Variants in ERC2 observed in about 807,000 individuals in gnomAD.
ERC2 encodes the protein ELKS/RAB6-interacting/CAST family member 2, also known as ERC protein 2.
Under a neutral mutation model 114.8 loss-of-function variants are expected in ERC2, and 42 were observed. The ratio of observed to expected loss-of-function variants is 0.37; its 90% CI spans 0.29 to 0.47. The LOEUF (loss-of-function observed/expected upper bound fraction) is 0.47. ERC2 is among the 20% of genes least tolerant of loss of function. The probability of loss-of-function intolerance (pLI) is 0.99; values close to 1 mark genes in which losing one functional copy is unlikely to be tolerated. For synonymous variants in ERC2, 454 were observed against 425.5 expected (o/e 1.07, Z -0.82); for missense variants, 939 against 1,150.7 (o/e 0.82, Z 2.66).
At chr3:56,179,685 T>C (rs1333313809) in intron 3 of ERC2, among the ~76,000 whole-genome samples, 1 of 151,912 alleles carries the variant, frequency 6.6e-6, no homozygotes, top group Non-Finnish European at 1.5e-5. Flanking sequence ...TCCAAGCCTC[T>C]TAGCCTGAAC....
Position 55,675,886 on chromosome 3 carries a change from TTC to T in ERC2, c.*39+7906_*39+7907del, listed in dbSNP as rs1216904780. 2.8e-5 allele frequency among the ~76,000 whole-genome samples: 4 copies of T among 142,012 alleles called. No individual in the cohort carries two copies. In the South Asian group the frequency reaches 9.2e-4, roughly 33 times the overall value. 93.2% of individuals were successfully genotyped at this position (142,012 alleles called of 152,430 possible). ...CATCGTTTAAAAACCCTTTCCATCT[TTC>T]TTTCTCTTTTCTTTCTTTTTTTTTT... On this transcript the variant is annotated intron_variant, in intron 17 of 17. Coordinates refer to ENST00000288221, the MANE Select transcript of ERC2 (RefSeq NM_015576.3).
intron 12 of ERC2, among the ~76,000 whole-genome samples, chr3:55,953,308 T>G (rs1307962588): frequency 6.6e-6 from 1 of 152,142 alleles, no homozygotes; most frequent in Non-Finnish European, 1.5e-5. Flanking sequence ...ACTCCCTTAT[T>G]TAAGACAACA....
intron 6 of ERC2, among the ~76,000 whole-genome samples, chr3:56,086,180 G>A (rs530888223): frequency 5.3e-5 from 8 of 152,126 alleles, no homozygotes; most frequent in East Asian, 1.9e-4. Context: ...GCACCTTCTC[G>A]CCATGTGTGA....
intron 17 of ERC2, chr3:55,610,524 C>T (rs1459564306): frequency 6.6e-6 from 1 of 152,372 alleles, no homozygotes; most frequent in African/African-American, 2.4e-5. Flanking sequence ...CACACACACA[C>T]ACACACACAC....
At chr3:56,034,240 T>C (rs1007479353) in intron 7 of ERC2, among the ~76,000 whole-genome samples, 5 of 152,114 alleles carry the variant, frequency 3.3e-5, no homozygotes, top group African/African-American at 7.2e-5. Context: ...AAGAAGGTCA[T>C]TGCATAATAA....
At chr3:56,183,725 T>A (rs2083425722) in intron 3 of ERC2, among the ~76,000 whole-genome samples, 1 of 152,114 alleles carries the variant, frequency 6.6e-6, no homozygotes, top group African/African-American at 2.4e-5. Flanking sequence ...AGTGCATGCA[T>A]TCTCAATGAG....
intron 2 of ERC2, among the ~76,000 whole-genome samples, chr3:56,307,134 G>A (rs945017532): frequency 6.6e-6 from 1 of 152,142 alleles, no homozygotes; most frequent in African/African-American, 2.4e-5. Flanking sequence ...AAGGGCAGGG[G>A]GTGTAGGATA....
intron 8 of ERC2, among the ~76,000 whole-genome samples, chr3:56,018,124 T>C (rs2073435470): frequency 6.6e-6 from 1 of 152,182 alleles, no homozygotes; most frequent in Admixed American, 6.5e-5. Flanking sequence ...ATAATAATAA[T>C]AGTGATAACA....
At chr3:56,367,257 G>A (rs1447946885) in intron 2 of ERC2, among the ~76,000 whole-genome samples, 5 of 147,256 alleles carry the variant, frequency 3.4e-5, no homozygotes, top group Non-Finnish European at 7.4e-5. Context: ...CAGGCCCAAT[G>A]GGCAGCATTT....
At chr3:55,627,883 CTTTTTTTTTTTT>C (rs10714648) in intron 17 of ERC2, among the ~76,000 whole-genome samples, 2 of 82,576 alleles carry the variant, frequency 2.4e-5, no homozygotes, top group Non-Finnish European at 4.5e-5. Flanking sequence ...GGACTTGGTG[CTTTTTTTTTTTT>C]TTTTTTTTTT....
At chr3:55,799,177 T>C (rs940468735) in intron 14 of ERC2, among the ~76,000 whole-genome samples, 1 of 151,886 alleles carries the variant, frequency 6.6e-6, no homozygotes, top group Admixed American at 6.6e-5. Flanking sequence ...GCTCAATGTA[T>C]AAAGTGCTAC....
chr3:56,120,581 G>C (rs887865127), intron 6 of ERC2, among the ~76,000 whole-genome samples: 1 of 152,140 alleles, frequency 6.6e-6, no homozygotes, highest in African/African-American at 2.4e-5. Flanking sequence ...AAATAAACAG[G>C]GGAAGTAAGA....
At chr3:56,205,075 T>C (rs2316484) in intron 3 of ERC2, among the ~76,000 whole-genome samples, 69,073 of 151,792 alleles carry the variant, frequency 0.46, 16,213 homozygotes, top group East Asian at 0.71. Context: ...CTTTTCCTAA[T>C]GTAACTGCTT....
At chr3:56,338,558 G>C (rs944076737) in intron 2 of ERC2, among the ~76,000 whole-genome samples, 1 of 152,190 alleles carries the variant, frequency 6.6e-6, no homozygotes, top group Non-Finnish European at 1.5e-5. Flanking sequence ...GATACTCCCA[G>C]GGTCAGCCCC....
chr3:56,090,584 A>C (rs2077732139), intron 6 of ERC2, among the ~76,000 whole-genome samples: 1 of 152,212 alleles, frequency 6.6e-6, no homozygotes, highest in South Asian at 2.1e-4. Context: ...AAACTCTAAG[A>C]ACTTAAATAC....
intron 11 of ERC2, among the ~76,000 whole-genome samples, chr3:55,986,719 A>G (rs1429960067): frequency 1.3e-5 from 2 of 151,772 alleles, no homozygotes; most frequent in Non-Finnish European, 2.9e-5. Flanking sequence ...TCAAGTTATA[A>G]TACTTTTTAA....
At chr3:56,199,498 T>C (rs556166678) in intron 3 of ERC2, among the ~76,000 whole-genome samples, 19 of 152,046 alleles carry the variant, frequency 1.2e-4, no homozygotes, top group African/African-American at 3.9e-4. Flanking sequence ...AAGAATAACA[T>C]GATACACCAC....
At chr3:56,442,448 T>C (rs891669165) in intron 1 of ERC2, among the ~76,000 whole-genome samples, 2 of 152,088 alleles carry the variant, frequency 1.3e-5, no homozygotes, top group Non-Finnish European at 2.9e-5. Flanking sequence ...CTTCAACTCC[T>C]AAGCTCAAGT....
chr3:56,236,089 A>G (rs1480335219), intron 3 of ERC2, among the ~76,000 whole-genome samples: 1 of 152,202 alleles, frequency 6.6e-6, no homozygotes, highest in Non-Finnish European at 1.5e-5. Context: ...TTGGGGAAAA[A>G]GTTATTCAGG....
Sources: gnomAD v4.1 joint callset for allele counts (sites outside exome capture counted in the v4.1 genomes callset) on GRCh38, gnomAD v4.1.1 for gene constraint, MANE v1.5 for transcripts, NCBI Gene and HGNC (gene_info 2026-07-23, HGNC 2026-07-21) for gene names.